Variants in TSNARE1 observed in about 807,000 individuals in gnomAD.
The protein encoded by TSNARE1 is t-SNARE domain containing 1.
In TSNARE1, 49 loss-of-function variants were observed where a neutral mutation model predicts 62.0. The ratio of observed to expected loss-of-function variants is 0.79; its 90% CI spans 0.63 to 1.00. The LOEUF (loss-of-function observed/expected upper bound fraction) is 1.00. TSNARE1 is among the 50% of genes least tolerant of loss of function. The pLI is 0.00. For synonymous variants in TSNARE1, 328 were observed against 294.4 expected, an observed-to-expected ratio of 1.11 and a Z score of -1.17; for missense variants, 755 against 700.1, an observed-to-expected ratio of 1.08 and a Z score of -0.88.
chr8:142,401,887 G>T (rs553656742), intron 1 of TSNARE1, among the ~76,000 whole-genome samples: 1 of 152,132 alleles, frequency 6.6e-6, no homozygotes, highest in African/African-American at 2.4e-5. Flanking sequence ...CGGTTCAGTC[G>T]GGGGAAGCAC....
At chr8:142,246,732 A>G (rs1817900480) in intron 12 of TSNARE1, among the ~76,000 whole-genome samples, 1 of 152,162 alleles carries the variant, frequency 6.6e-6, no homozygotes, top group South Asian at 2.1e-4. Flanking sequence ...CAGACACGGG[A>G]GAACCGTTCA....
At chr8:142,376,596 A>C (rs1836363443) in intron 1 of TSNARE1, among the ~76,000 whole-genome samples, 1 of 152,200 alleles carries the variant, frequency 6.6e-6, no homozygotes. Flanking sequence ...TGTAGCCTTC[A>C]GAGTGATGGG....
intron 11 of TSNARE1, chr8:142,278,896 AGGCTCCTCCCT>A (rs1820944027): frequency 1.4e-6 from 1 of 735,030 alleles, no homozygotes; most frequent in African/African-American, 1.9e-5. Flanking sequence ...GCTGGGGCCC[AGGCTCCTCCCT>A]GGCTCTGCCC....
intron 6 of TSNARE1, among the ~76,000 whole-genome samples, chr8:142,329,206 C>T (rs1379305055): frequency 6.6e-6 from 1 of 152,250 alleles, no homozygotes; most frequent in African/African-American, 2.4e-5. Context: ...GCTAGACCCA[C>T]AGCTGGCCAT....
chr8:142,273,984 C>T (rs1318403341), intron 12 of TSNARE1: 1 of 985,226 alleles, frequency 1.0e-6, no homozygotes, highest in Non-Finnish European at 1.2e-6. Context: ...GCCAATACTG[C>T]CCCTGCTCCG....
chr8:142,406,941 A>G (rs1838591550), upstream of TSNARE1: 1 of 152,244 alleles, frequency 6.6e-6, no homozygotes, highest in East Asian at 1.9e-4. Flanking sequence ...AACCAACTCC[A>G]TCCTGATGTG....
At position 142,393,106 on chromosome 8, in the gene TSNARE1, AT is replaced by A. The variant is rs1428831845; in HGVS notation, c.-40+9997del. 5.3e-5 allele frequency among the ~76,000 whole-genome samples: 8 copies of A among 152,318 alleles called. No homozygotes were observed. The East Asian group carries it at 1.5e-3, about 29-fold the overall frequency. On this transcript the variant is annotated intron_variant, in intron 1 of 13. Coordinates refer to ENST00000524325, the MANE Select transcript of TSNARE1 (RefSeq NM_145003.5). ...ATTCAAAATAGTAAAGTAAAAGGTC[AT>A]TAGAATAACCTGTGGGCCATCCACA...
intron 10 of TSNARE1, 186 bp downstream of exon 10, chr8:142,300,300 T>C: frequency 1.6e-6 from 1 of 615,240 alleles, no homozygotes; most frequent in Non-Finnish European, 2.7e-6. Flanking sequence ...CAGACTCCCG[T>C]CTCTCCCTTA....
At chr8:142,220,649 G>A (rs1333084071) in intron 13 of TSNARE1, among the ~76,000 whole-genome samples, 5 of 152,192 alleles carry the variant, frequency 3.3e-5, no homozygotes, top group Non-Finnish European at 5.9e-5. Context: ...TATCTCTCAG[G>A]CTTCTGAGTG....
At chr8:142,232,155 C>T (rs1363063926) in intron 12 of TSNARE1, among the ~76,000 whole-genome samples, 1 of 152,258 alleles carries the variant, frequency 6.6e-6, no homozygotes, top group Non-Finnish European at 1.5e-5. Flanking sequence ...CTTGGGGTGC[C>T]ATGCCCTGGT....
At chr8:142,380,834 C>A (rs1253650545) in intron 1 of TSNARE1, among the ~76,000 whole-genome samples, 1 of 152,058 alleles carries the variant, frequency 6.6e-6, no homozygotes, top group African/African-American at 2.4e-5. Flanking sequence ...GAGTTTTCTA[C>A]AAGGAACGAG....
At chr8:142,253,686 G>C (rs1480097796) in intron 12 of TSNARE1, among the ~76,000 whole-genome samples, 1 of 152,246 alleles carries the variant, frequency 6.6e-6, no homozygotes, top group Non-Finnish European at 1.5e-5. Flanking sequence ...CAAGGCCTCA[G>C]GCAGGATGGG....
intron 1 of TSNARE1, among the ~76,000 whole-genome samples, chr8:142,389,430 CAA>C (rs1454612941): frequency 6.6e-6 from 1 of 152,168 alleles, no homozygotes; most frequent in Non-Finnish European, 1.5e-5. Context: ...ATCAAAATTA[CAA>C]AAGTGTGTAC....
chr8:142,274,809 T>C lies in TSNARE1; in HGVS notation c.1418A>G (p.Gln473Arg), dbSNP rs775530601. The change falls in exon 12 of 14, where the codon CAG becomes CGG. Residue 473 changes from glutamine (Q) to arginine (R), a missense_variant. By Grantham distance (43) the Gln-to-Arg change is conservative (BLOSUM62 1). Coordinates refer to ENST00000524325, the MANE Select transcript of TSNARE1 (RefSeq NM_145003.5). ...AASSHAEAAR[Q>R]LLAGASRHQL... The stretch of plus-strand genomic sequence containing the variant: ...GTGCCGGCTGGCTCCAGCCAGGAGC[T>C]GGCGGGCTGCCTCCGCATGCGAGGA... The C allele has an allele frequency of 6.3e-7, 1 of 1,580,072 alleles. No homozygotes were observed. The highest frequency in any genetic ancestry group is 8.6e-7 in the Non-Finnish European group (1 of 1,164,076).
At position 142,274,872 on chromosome 8, in the gene TSNARE1, C is replaced by A; in HGVS notation, c.1364-9G>T. 1.3e-6 allele frequency: 2 copies of A among 1,546,780 alleles called. No homozygotes were observed. The highest frequency in any genetic ancestry group is 1.2e-5 in the South Asian group (1 of 82,598). On this transcript the variant is annotated splice_polypyrimidine_tract_variant and intron_variant, in intron 11 of 13. Coordinates refer to ENST00000524325, the MANE Select transcript of TSNARE1 (RefSeq NM_145003.5). ...GCTGGCTTCAATACTATCTGCAAAT[C>A]AAGACAACAGAAGGCAATTACAGAT...
At chr8:142,377,217 T>C (rs1836406758) in intron 1 of TSNARE1, among the ~76,000 whole-genome samples, 2 of 152,116 alleles carry the variant, frequency 1.3e-5, no homozygotes, top group African/African-American at 2.4e-5. Flanking sequence ...TTACCCAAGA[T>C]CTATCCCAGA....
intron 12 of TSNARE1, among the ~76,000 whole-genome samples, chr8:142,242,733 G>A (rs1376526808): frequency 6.6e-6 from 1 of 152,198 alleles, no homozygotes; most frequent in East Asian, 1.9e-4. Context: ...AGGCCAAGGC[G>A]GGTGGATCAC....
At chr8:142,272,139 T>A (rs1243788783) in intron 12 of TSNARE1, among the ~76,000 whole-genome samples, 2 of 132,132 alleles carry the variant, frequency 1.5e-5, no homozygotes, top group Non-Finnish European at 3.2e-5. Context: ...TCCAACCTCC[T>A]CTTCCTTCTA....
intron 12 of TSNARE1, among the ~76,000 whole-genome samples, chr8:142,260,261 A>T (rs1818790571): frequency 6.6e-6 from 1 of 152,200 alleles, no homozygotes; most frequent in Non-Finnish European, 1.5e-5. Context: ...TCATGATTTC[A>T]GCACAACTAG....
Sources: allele counts gnomAD v4.1 joint callset (sites outside exome capture counted in the v4.1 genomes callset), GRCh38; gene constraint gnomAD v4.1.1; transcripts MANE v1.5; gene names NCBI Gene and HGNC (gene_info 2026-07-23, HGNC 2026-07-21).